The following NTM variants were observed in gnomAD, a reference collection of about 807,000 sequenced individuals.
NTM encodes IgLON family member 2.
A neutral mutation model predicts 42.1 loss-of-function variants in NTM; 13 were observed. That is an observed-to-expected ratio of 0.31 (90% confidence interval 0.20 to 0.49). The LOEUF (loss-of-function observed/expected upper bound fraction) is 0.49. Among genes scored for constraint, NTM ranks in the 20% least tolerant of loss-of-function variants. The pLI is 0.99. For missense variants in NTM, 373 were observed against 452.8 expected (o/e 0.82, Z 1.60); for synonymous variants, 187 against 179.2 (o/e 1.04, Z -0.35).
intron 4 of NTM, among the ~76,000 whole-genome samples, chr11:132,244,227 GCCCT>G (rs2090693148): frequency 6.6e-6 from 1 of 152,224 alleles, no homozygotes; most frequent in African/African-American, 2.4e-5. Context: ...CCAGGCTCTA[GCCCT>G]GGCTGTGGCC....
intron 3 of NTM, among the ~76,000 whole-genome samples, chr11:132,206,009 C>T (rs1358243166): frequency 2.6e-5 from 4 of 152,146 alleles, no homozygotes; most frequent in African/African-American, 9.7e-5. Context: ...GACCCCATCT[C>T]CCTGGTTGTC....
chr11:131,581,357 A>AC (rs1311314210), intron 1 of NTM, among the ~76,000 whole-genome samples: 1 of 152,158 alleles, frequency 6.6e-6, no homozygotes, highest in Non-Finnish European at 1.5e-5. Flanking sequence ...AACAGAGGAG[A>AC]GTTGCTTCAA....
chr11:131,602,027 A>T (rs879599228), intron 1 of NTM, among the ~76,000 whole-genome samples: 3 of 152,214 alleles, frequency 2.0e-5, no homozygotes, highest in Non-Finnish European at 4.4e-5. Context: ...AGTAAAAATT[A>T]TGAATTAGGT....
intron 1 of NTM, among the ~76,000 whole-genome samples, chr11:131,396,725 T>C (rs1282782148): frequency 6.6e-6 from 1 of 151,892 alleles, no homozygotes; most frequent in African/African-American, 2.4e-5. Context: ...TCCCAGCTAC[T>C]CGAGAGGCTG....
chr11:131,393,954 A>G (rs1271048497), intron 1 of NTM, among the ~76,000 whole-genome samples: 1 of 152,244 alleles, frequency 6.6e-6, no homozygotes, highest in Non-Finnish European at 1.5e-5. Context: ...TTAATCCTAG[A>G]TGTACAATTC....
At chr11:131,835,471 C>T (rs553628896) in intron 1 of NTM, among the ~76,000 whole-genome samples, 2 of 152,084 alleles carry the variant, frequency 1.3e-5, no homozygotes, top group East Asian at 3.9e-4. Flanking sequence ...ACAAAGTGAT[C>T]AAAAATGTGT....
At chr11:131,508,948 C>G (rs686361) in intron 1 of NTM, among the ~76,000 whole-genome samples, 57,462 of 146,264 alleles carry the variant, frequency 0.39, 11,505 homozygotes, top group Middle Eastern at 0.48. Flanking sequence ...TGACGAGTTA[C>G]TGGGTGCAGC....
At chr11:131,649,140 T>C (rs988135898) in intron 1 of NTM, among the ~76,000 whole-genome samples, 3 of 152,208 alleles carry the variant, frequency 2.0e-5, no homozygotes, top group Admixed American at 1.3e-4. Flanking sequence ...CATAACATTG[T>C]AGTGGAAGAT....
At chr11:131,678,660 C>G (rs1401138681) in intron 1 of NTM, among the ~76,000 whole-genome samples, 1 of 152,258 alleles carries the variant, frequency 6.6e-6, no homozygotes, top group African/African-American at 2.4e-5. Flanking sequence ...CCTTCTCTCT[C>G]TCTTCCTCTT....
chr11:132,145,596 G>T (rs1018863363), intron 2 of NTM, among the ~76,000 whole-genome samples: 1 of 152,204 alleles, frequency 6.6e-6, no homozygotes, highest in Admixed American at 6.5e-5. Context: ...ATTTTTATAT[G>T]TGCAGACAGT....
intron 4 of NTM, among the ~76,000 whole-genome samples, chr11:132,212,383 C>G (rs914541956): frequency 6.6e-6 from 1 of 152,192 alleles, no homozygotes; most frequent in African/African-American, 2.4e-5. Context: ...AAATTAATCT[C>G]TGTTGTCTCT....
intron 1 of NTM, among the ~76,000 whole-genome samples, chr11:131,501,311 G>A (rs2136371918): frequency 6.6e-6 from 1 of 152,308 alleles, no homozygotes; most frequent in South Asian, 2.1e-4. Flanking sequence ...GGCGATAGCT[G>A]TTGGTAGGGT....
At chr11:132,066,960 T>G (rs1437096730) in intron 2 of NTM, among the ~76,000 whole-genome samples, 1 of 151,986 alleles carries the variant, frequency 6.6e-6, no homozygotes, top group Admixed American at 6.6e-5. Context: ...GTGAAACATT[T>G]TTTTTTTCTT....
intron 2 of NTM, among the ~76,000 whole-genome samples, chr11:131,948,542 C>A (rs2060626356): frequency 6.6e-6 from 1 of 152,142 alleles, no homozygotes; most frequent in Non-Finnish European, 1.5e-5. Flanking sequence ...CAAAGCTGAC[C>A]TGCTTTGCTT....
At chr11:132,219,764 C>G (rs2084740301) in intron 4 of NTM, among the ~76,000 whole-genome samples, 1 of 152,148 alleles carries the variant, frequency 6.6e-6, no homozygotes, top group East Asian at 1.9e-4. Context: ...GGCCCCATAA[C>G]AACACATAGT....
chr11:132,095,900 A>G (rs934298541), intron 2 of NTM, among the ~76,000 whole-genome samples: 1 of 151,898 alleles, frequency 6.6e-6, no homozygotes, highest in Non-Finnish European at 1.5e-5. Flanking sequence ...GGCCAAAAAG[A>G]CTCTTCTCGT....
At chr11:132,097,398 C>T (rs1480204248) in intron 2 of NTM, among the ~76,000 whole-genome samples, 1 of 152,182 alleles carries the variant, frequency 6.6e-6, no homozygotes, top group East Asian at 1.9e-4. Context: ...GACACTCAGT[C>T]TGTGTTGCAC....
chr11:132,315,813 G>A (rs114102216), intron 7 of NTM, among the ~76,000 whole-genome samples: 3 of 152,290 alleles, frequency 2.0e-5, no homozygotes, highest in South Asian at 2.1e-4. Context: ...GAGCTGGGAA[G>A]GAGAAAGCCG....
chr11:132,314,748 A>AGAACGGGAGAGCTGG, intron 7 of NTM, 45 bp downstream of exon 7: 1 of 1,562,420 alleles, frequency 6.4e-7, no homozygotes, highest in Non-Finnish European at 8.7e-7. Flanking sequence ...GAGAGGGTGC[A>AGAACGGGAGAGCTGG]GAACGGGAGA....
Sources: gnomAD v4.1 joint callset for allele counts (sites outside exome capture counted in the v4.1 genomes callset) on GRCh38, gnomAD v4.1.1 for gene constraint, MANE v1.5 for transcripts, NCBI Gene and HGNC (gene_info 2026-07-23, HGNC 2026-07-21) for gene names.